RBFOX1: variants seen among roughly 807,000 people sequenced by gnomAD.
The protein encoded by RBFOX1 is RNA binding protein fox-1 homolog 1.
A neutral mutation model predicts 57.7 loss-of-function variants in RBFOX1; 8 were observed. The ratio of observed to expected loss-of-function variants is 0.14; its 90% CI spans 0.08 to 0.25. RBFOX1 has a LOEUF of 0.25. RBFOX1 is among the 10% of genes least tolerant of loss of function. RBFOX1 has a pLI of 1.00. For synonymous variants in RBFOX1, 326 were observed against 222.4 expected (o/e 1.47, Z -4.15); for missense variants, 611 against 548.5 (o/e 1.11, Z -1.14).
intron 4 of RBFOX1, among the ~76,000 whole-genome samples, chr16:7,209,270 G>A (rs761635119): frequency 2.0e-5 from 3 of 152,052 alleles, no homozygotes; most frequent in Non-Finnish European, 4.4e-5. Context: ...AAGAGGCAGA[G>A]GTTGCAGTGA....
At chr16:5,899,953 G>T (rs1338667039) in intron 4 of RBFOX1, among the ~76,000 whole-genome samples, 1 of 152,082 alleles carries the variant, frequency 6.6e-6, no homozygotes, top group Non-Finnish European at 1.5e-5. Flanking sequence ...CAGACCTGTC[G>T]TCCCAGCTAC....
intron 1 of RBFOX1, among the ~76,000 whole-genome samples, chr16:6,177,395 A>G (rs73532028): frequency 0.033 from 4,900 of 150,226 alleles, 110 homozygotes; most frequent in Middle Eastern, 0.072. Flanking sequence ...CCTAGCTTTC[A>G]TTGATTTTTT....
chr16:7,564,619 C>T (rs1445476658), intron 5 of RBFOX1, among the ~76,000 whole-genome samples: 1 of 145,700 alleles, frequency 6.9e-6, no homozygotes, highest in Non-Finnish European at 1.5e-5. Flanking sequence ...GCTGAGTTGG[C>T]TGGCACTTTG....
rs1392022910 is a variant in RBFOX1, at chr16:6,074,149, C to T, written c.-127+54157C>T. 2.0e-5 allele frequency among the ~76,000 whole-genome samples: 3 copies of T among 152,192 alleles called. No homozygotes were observed. The South Asian group carries it at 6.2e-4, about 32-fold the overall frequency. On this transcript the variant is annotated intron_variant, in intron 1 of 15. Coordinates refer to ENST00000550418, the MANE Select transcript of RBFOX1 (RefSeq NM_018723.4). Reference sequence around the variant, plus strand: ...AGTTTTAGTAGAGACAGGATTTCACCATGTTAGCCATCATGGTCTTGACCT... The same window carrying T: ...AGTTTTAGTAGAGACAGGATTTCACTATGTTAGCCATCATGGTCTTGACCT...
intron 1 of RBFOX1, among the ~76,000 whole-genome samples, chr16:5,461,830 G>A (rs2068796415): frequency 6.6e-6 from 1 of 152,150 alleles, no homozygotes. Context: ...TTGTCTTTCT[G>A]AGAAGGGCCA....
At chr16:6,989,604 G>C (rs1250034155) in intron 3 of RBFOX1, among the ~76,000 whole-genome samples, 1 of 152,184 alleles carries the variant, frequency 6.6e-6, no homozygotes, top group Non-Finnish European at 1.5e-5. Flanking sequence ...AACCATTTAA[G>C]AGTGGGACAG....
At chr16:7,108,677 G>A (rs758291761) in intron 4 of RBFOX1, among the ~76,000 whole-genome samples, 1 of 152,092 alleles carries the variant, frequency 6.6e-6, no homozygotes, top group African/African-American at 2.4e-5. Flanking sequence ...CAACAATTTT[G>A]CAACATCCAC....
intron 4 of RBFOX1, among the ~76,000 whole-genome samples, chr16:7,175,576 A>G (rs904420945): frequency 6.6e-6 from 1 of 152,054 alleles, no homozygotes; most frequent in Non-Finnish European, 1.5e-5. Flanking sequence ...TAGGCAAAGG[A>G]TCCCATTTGT....
At chr16:7,167,418 C>T (rs2079793873) in intron 4 of RBFOX1, among the ~76,000 whole-genome samples, 1 of 152,088 alleles carries the variant, frequency 6.6e-6, no homozygotes, top group Admixed American at 6.5e-5. Context: ...AACACAGAGA[C>T]TCAGAGGAGA....
intron 2 of RBFOX1, among the ~76,000 whole-genome samples, chr16:6,338,933 G>A (rs2084139744): frequency 6.6e-6 from 1 of 152,170 alleles, no homozygotes; most frequent in African/African-American, 2.4e-5. Flanking sequence ...AATGAAATGG[G>A]AAGGGGTGAG....
intron 4 of RBFOX1, among the ~76,000 whole-genome samples, chr16:7,242,556 A>G (rs957641769): frequency 1.7e-4 from 26 of 152,344 alleles, no homozygotes; most frequent in African/African-American, 5.0e-4. Context: ...ACACGTGGCA[A>G]CTTGGACATG....
chr16:5,427,737 A>C lies in RBFOX1; in HGVS notation c.220-39479A>C, dbSNP rs147906214. Among the ~76,000 whole-genome samples, 343 of 152,264 alleles carry C rather than the reference A, an allele frequency of 2.3e-3. 1 individual carries two copies. Among genetic ancestry groups the C allele is most frequent in the African/African-American group, 7.9e-3 (330 of 41,554 alleles). ...AATTTCCTCTTGCTCCCGAGAGGTCAGTCTTGTTTTGCTCATGCCTTCACC... is the reference window on the plus strand; with the variant it reads ...AATTTCCTCTTGCTCCCGAGAGGTCCGTCTTGTTTTGCTCATGCCTTCACC... On this transcript the variant is annotated intron_variant, in intron 1 of 2. Coordinates refer to the RBFOX1 transcript ENST00000585867.
At chr16:6,312,717 ATTCCTTCC>A (rs894884546) in intron 1 of RBFOX1, among the ~76,000 whole-genome samples, 4 of 80,722 alleles carry the variant, frequency 5.0e-5, no homozygotes, top group African/African-American at 2.0e-4. Context: ...TCCTTCCTCC[ATTCCTTCC>A]TTCCTTCCTT....
chr16:5,301,821 C>G (rs961986190), intron 1 of RBFOX1, among the ~76,000 whole-genome samples: 1 of 151,994 alleles, frequency 6.6e-6, no homozygotes, highest in East Asian at 1.9e-4. Context: ...TTTTAAGTCA[C>G]TAAGTTTTAG....
intron 1 of RBFOX1, among the ~76,000 whole-genome samples, chr16:5,344,355 C>A (rs977609741): frequency 6.6e-6 from 1 of 152,196 alleles, no homozygotes; most frequent in Non-Finnish European, 1.5e-5. Flanking sequence ...AAGTCTCCCT[C>A]TGTTTTGCTT....
intron 4 of RBFOX1, among the ~76,000 whole-genome samples, chr16:7,110,917 G>A (rs1224437936): frequency 1.3e-5 from 2 of 152,128 alleles, no homozygotes; most frequent in Non-Finnish European, 2.9e-5. Flanking sequence ...TTAACTTTGG[G>A]TAGTAAAAGG....
intron 2 of RBFOX1, among the ~76,000 whole-genome samples, chr16:6,451,840 C>A (rs1263643190): frequency 6.6e-6 from 1 of 151,702 alleles, no homozygotes; most frequent in Non-Finnish European, 1.5e-5. Context: ...ATGGCTCTTT[C>A]CTTCCATGGT....
chr16:5,426,534 G>A (rs1354225597), intron 1 of RBFOX1, among the ~76,000 whole-genome samples: 1 of 152,196 alleles, frequency 6.6e-6, no homozygotes, highest in Admixed American at 6.5e-5. Flanking sequence ...CTCCAGGGAT[G>A]CCACAGACTG....
intron 4 of RBFOX1, among the ~76,000 whole-genome samples, chr16:7,275,613 G>A (rs1057255508): frequency 2.6e-5 from 4 of 152,184 alleles, no homozygotes; most frequent in Non-Finnish European, 4.4e-5. Context: ...TAGATGGTAG[G>A]TTGGATTGAA....
Sources: gnomAD v4.1 joint callset for allele counts (sites outside exome capture counted in the v4.1 genomes callset) on GRCh38, gnomAD v4.1.1 for gene constraint, MANE v1.5 for transcripts, NCBI Gene and HGNC (gene_info 2026-07-23, HGNC 2026-07-21) for gene names.